The following TENM2 variants were observed in gnomAD, a reference collection of about 807,000 sequenced individuals.
TENM2 encodes teneurin-2.
TENM2 carries 52 observed loss-of-function variants against 245.2 expected under a neutral mutation model. That is an observed-to-expected ratio of 0.21 (90% CI 0.17 to 0.27). The LOEUF (loss-of-function observed/expected upper bound fraction) is 0.27. Among genes scored for constraint, TENM2 ranks in the 10% least tolerant of loss-of-function variants. The pLI is 1.00. For synonymous variants in TENM2, 1,363 were observed against 1,438.9 expected (o/e 0.95, Z 1.19); for missense variants, 3,046 against 3,666.8 (o/e 0.83, Z 4.37).
intron 2 of TENM2, among the ~76,000 whole-genome samples, chr5:167,449,521 TAGATAGATAGATAGATAGATAGATA>T (rs1260899750): frequency 4.1e-5 from 3 of 73,970 alleles, no homozygotes; most frequent in Non-Finnish European, 9.1e-5. Flanking sequence ...GATAGATAGA[TAGATAGATAGATAGATAGATAGATA>T]GATAGATAGA....
chr5:167,851,692 A>G (rs774218059), intron 2 of TENM2, among the ~76,000 whole-genome samples: 5 of 152,168 alleles, frequency 3.3e-5, no homozygotes, highest in Admixed American at 6.5e-5. Context: ...TCCTGTAGCC[A>G]AGACTTGCTT....
chr5:168,028,796 T>A (rs1786846356), intron 5 of TENM2, among the ~76,000 whole-genome samples: 1 of 94,142 alleles, frequency 1.1e-5, no homozygotes, highest in Non-Finnish European at 1.9e-5. Context: ...CCATAGCAAC[T>A]GTCAAAAAAA....
At chr5:168,227,690 T>TTATG (rs1278547246) in intron 24 of TENM2, among the ~76,000 whole-genome samples, 2 of 152,142 alleles carry the variant, frequency 1.3e-5, no homozygotes, top group African/African-American at 4.8e-5. Context: ...GTGCCACATA[T>TTATG]TATGTTTTTC....
At chr5:167,054,445 C>T in the TENM2 span, among the ~76,000 whole-genome samples, 1 of 152,090 alleles carries the variant, frequency 6.6e-6, no homozygotes, top group African/African-American at 2.4e-5. Flanking sequence ...TGAATGATAC[C>T]TTGGTTGCTT....
the TENM2 span, among the ~76,000 whole-genome samples, chr5:167,198,862 G>T: frequency 6.6e-6 from 1 of 151,858 alleles, no homozygotes; most frequent in Non-Finnish European, 1.5e-5. Flanking sequence ...CAGGAGAAAG[G>T]GGGGATCGAT....
intron 2 of TENM2, among the ~76,000 whole-genome samples, chr5:167,823,828 G>A (rs1425346042): frequency 6.6e-6 from 1 of 152,148 alleles, no homozygotes; most frequent in Non-Finnish European, 1.5e-5. Flanking sequence ...TAATTCTCCT[G>A]TATGTTGCAT....
chr5:167,216,097 C>T, the TENM2 span, among the ~76,000 whole-genome samples: 1 of 152,140 alleles, frequency 6.6e-6, no homozygotes, highest in African/African-American at 2.4e-5. Context: ...TACTTTCCTT[C>T]GTGATAGGAC....
At chr5:167,545,252 T>C (rs1167872367) in intron 2 of TENM2, among the ~76,000 whole-genome samples, 1 of 152,166 alleles carries the variant, frequency 6.6e-6, no homozygotes, top group East Asian at 1.9e-4. Context: ...AGGTGACATA[T>C]GTAACACTAC....
intron 1 of TENM2, among the ~76,000 whole-genome samples, chr5:167,365,031 A>T (rs953805359): frequency 1.3e-5 from 2 of 152,040 alleles, no homozygotes; most frequent in African/African-American, 4.8e-5. Flanking sequence ...AAAACTCTGC[A>T]ATATATTCTA....
At chr5:167,992,776 T>G (rs1475050748) in intron 4 of TENM2, among the ~76,000 whole-genome samples, 168 bp from the exon 7 acceptor site, 1 of 152,182 alleles carries the variant, frequency 6.6e-6, no homozygotes, top group Non-Finnish European at 1.5e-5. Context: ...TTTATGGAAT[T>G]AATTTATGTC....
chr5:167,452,944 T>TAC (rs1765678358), intron 2 of TENM2, among the ~76,000 whole-genome samples: 1 of 8,114 alleles, frequency 1.2e-4, no homozygotes, highest in Non-Finnish European at 4.0e-4. Context: ...TATATATATA[T>TAC]ATATATATAT....
chr5:167,759,707 G>A lies in TENM2; in HGVS notation c.503-116279G>A, dbSNP rs146778073. Among the ~76,000 whole-genome samples, 992 of 152,234 alleles carry A rather than the reference G, an allele frequency of 6.5e-3. 10 individuals carry two copies. The highest frequency in any genetic ancestry group is 0.022 in the African/African-American group (918 of 41,548). ...TCAGCCCCCTTCCAGCAGGGTAGGT[G>A]TCCAGTTTCTGGCTGGTTGACCTGG... On this transcript the variant is annotated intron_variant, in intron 2 of 28. Transcript: ENST00000518659.
the TENM2 span, among the ~76,000 whole-genome samples, chr5:166,997,060 G>A: frequency 1.3e-5 from 2 of 152,112 alleles, no homozygotes; most frequent in Non-Finnish European, 2.9e-5. Context: ...AGGGAAACCA[G>A]ATTCACTTAT....
intron 2 of TENM2, among the ~76,000 whole-genome samples, chr5:167,403,762 T>C (rs1762487528): frequency 6.6e-6 from 1 of 152,136 alleles, no homozygotes; most frequent in South Asian, 2.1e-4. Context: ...GATAAATTAT[T>C]CTGAAGGCAT....
intron 2 of TENM2, among the ~76,000 whole-genome samples, chr5:167,666,010 T>C (rs1451155789): frequency 6.6e-6 from 1 of 152,182 alleles, no homozygotes; most frequent in Non-Finnish European, 1.5e-5. Flanking sequence ...CTTTGTGTGG[T>C]TTTCTACTAG....
At position 168,255,208 on chromosome 5, in the gene TENM2, T is replaced by G. The variant is rs560680275; in HGVS notation, c.7433-5075T>G. On this transcript the variant is annotated intron_variant, in intron 27 of 28. Coordinates refer to ENST00000518659, the Ensembl canonical transcript of TENM2. The stretch of plus-strand genomic sequence containing the variant: ...ACAAAAAAACACAGATGGGGAGAGA[T>G]AGTCCCTTTTCAATGCTCTCTTAAT... Among the ~76,000 whole-genome samples the G allele has an allele frequency of 3.9e-5, 6 of 152,294 alleles. No individual in the cohort carries two copies. In the South Asian group the frequency reaches 1.2e-3, roughly 32 times the overall value.
chr5:168,075,592 C>G (rs1255577974), intron 7 of TENM2, among the ~76,000 whole-genome samples: 1 of 152,202 alleles, frequency 6.6e-6, no homozygotes, highest in Non-Finnish European at 1.5e-5. Context: ...TTAGATTTGT[C>G]TCCACTAGAG....
At chr5:168,029,419 G>T (rs1413653424) in intron 5 of TENM2, among the ~76,000 whole-genome samples, 1 of 152,152 alleles carries the variant, frequency 6.6e-6, no homozygotes, top group Non-Finnish European at 1.5e-5. Flanking sequence ...CTAGTATGTA[G>T]CTACCCAGCC....
the TENM2 span, among the ~76,000 whole-genome samples, chr5:167,124,145 G>A: frequency 6.6e-6 from 1 of 152,102 alleles, no homozygotes; most frequent in Admixed American, 6.6e-5. Context: ...TTTTTTGCGG[G>A]ACTTCAGATT....
Sources: gnomAD v4.1 joint callset for allele counts (sites outside exome capture counted in the v4.1 genomes callset) on GRCh38, gnomAD v4.1.1 for gene constraint, MANE v1.5 for transcripts, NCBI Gene and HGNC (gene_info 2026-07-23, HGNC 2026-07-21) for gene names.